Variants in ROBO2 observed in about 807,000 individuals in gnomAD.
The protein encoded by ROBO2 is roundabout guidance receptor 2, also known as roundabout homolog 2.
A neutral mutation model predicts 160.8 loss-of-function variants in ROBO2; 53 were observed. The ratio of observed to expected loss-of-function variants is 0.33; its 90% CI spans 0.26 to 0.41. The LOEUF (loss-of-function observed/expected upper bound fraction) is 0.41, where lower values mean the gene tolerates loss of function less well. Among genes scored for constraint, ROBO2 ranks in the 10% least tolerant of loss-of-function variants. ROBO2 has a pLI of 1.00. For missense variants in ROBO2, 1,577 were observed against 1,722.4 expected, an observed-to-expected ratio of 0.92 and a Z score of 1.49; for synonymous variants, 664 against 611.7, an observed-to-expected ratio of 1.09 and a Z score of -1.26.
At chr3:76,103,635 TG>T (rs942626099) in intron 2 of ROBO2, among the ~76,000 whole-genome samples, 7 of 152,294 alleles carry the variant, frequency 4.6e-5, no homozygotes, top group African/African-American at 1.7e-4. Flanking sequence ...CTGTGGATAC[TG>T]GGAGCTGGGA....
chr3:76,739,512 G>A (rs2093768255), intron 2 of ROBO2, among the ~76,000 whole-genome samples: 1 of 151,550 alleles, frequency 6.6e-6, no homozygotes, highest in Admixed American at 6.6e-5. Flanking sequence ...GATAGCATTA[G>A]GAGATATACC....
chr3:76,648,139 A>G (rs191580146), intron 2 of ROBO2, among the ~76,000 whole-genome samples: 1 of 152,178 alleles, frequency 6.6e-6, no homozygotes, highest in Admixed American at 6.5e-5. Context: ...GCTTATTTCT[A>G]TAACACATAG....
chr3:76,961,353 G>A (rs2079649840), intron 2 of ROBO2, among the ~76,000 whole-genome samples: 1 of 148,344 alleles, frequency 6.7e-6, no homozygotes, highest in Non-Finnish European at 1.5e-5. Flanking sequence ...TATGCACATC[G>A]AAAATTTTCA....
At position 77,541,975 on chromosome 3, in the gene ROBO2, A is replaced by G. The variant is rs1039470151; in HGVS notation, c.935-4363A>G. On this transcript the variant is annotated intron_variant, in intron 6 of 25. Transcript: ENST00000461745. ...TTTTTTTTAATACTTAATGGGAGTC[A>G]TTATAGAAAATCTATTTTATGTATA... Among the ~76,000 whole-genome samples the G allele has an allele frequency of 8.5e-5, 13 of 152,164 alleles. No individual in the cohort carries two copies. In the East Asian group the frequency reaches 2.3e-3, roughly 27 times the overall value.
chr3:76,175,889 A>G (rs2037190), intron 2 of ROBO2, among the ~76,000 whole-genome samples: 56,570 of 151,878 alleles, frequency 0.37, 11,485 homozygotes, highest in Non-Finnish European at 0.45. Context: ...CTCTCATCCT[A>G]TGTAGTTTTT....
At chr3:77,307,594 G>T (rs548488219) in intron 2 of ROBO2, among the ~76,000 whole-genome samples, 2 of 152,120 alleles carry the variant, frequency 1.3e-5, no homozygotes, top group Non-Finnish European at 2.9e-5. Flanking sequence ...GAAAAAGCAG[G>T]GGTGGGGGCA....
chr3:77,214,399 A>T (rs2084634570), intron 2 of ROBO2, among the ~76,000 whole-genome samples: 1 of 152,136 alleles, frequency 6.6e-6, no homozygotes, highest in African/African-American at 2.4e-5. Flanking sequence ...CTAGGATTGC[A>T]ACCCCTGCCT....
chr3:76,417,493 T>C (rs3853005), intron 2 of ROBO2, among the ~76,000 whole-genome samples: 86,079 of 152,094 alleles, frequency 0.57, 24,725 homozygotes, highest in African/African-American at 0.64. Flanking sequence ...TCTTTTATTC[T>C]GGTCCATTAT....
intron 2 of ROBO2, among the ~76,000 whole-genome samples, chr3:76,397,409 C>G (rs1042352703): frequency 1.3e-5 from 2 of 152,054 alleles, no homozygotes; most frequent in East Asian, 1.9e-4. Flanking sequence ...AGGACATAGG[C>G]ATGGGCAAGG....
chr3:76,119,695 A>G (rs544125924), intron 2 of ROBO2, among the ~76,000 whole-genome samples: 2 of 152,210 alleles, frequency 1.3e-5, no homozygotes, highest in Admixed American at 6.5e-5. Context: ...TCATATTATC[A>G]TAGGAAAAAA....
At chr3:76,634,142 C>G (rs1165449062) in intron 2 of ROBO2, among the ~76,000 whole-genome samples, 1 of 152,200 alleles carries the variant, frequency 6.6e-6, no homozygotes, top group Non-Finnish European at 1.5e-5. Flanking sequence ...AGCAAAAAAT[C>G]AAGGTTGAAT....
intron 2 of ROBO2, among the ~76,000 whole-genome samples, chr3:77,458,837 T>G (rs2153569256): frequency 6.6e-6 from 1 of 152,310 alleles, no homozygotes; most frequent in African/African-American, 2.4e-5. Flanking sequence ...TGTTATATCT[T>G]ATTTCATCAC....
intron 2 of ROBO2, among the ~76,000 whole-genome samples, chr3:77,447,037 C>T (rs2080598428): frequency 6.6e-6 from 1 of 152,024 alleles, no homozygotes; most frequent in African/African-American, 2.4e-5. Context: ...GTTTAATTTC[C>T]TGGATAGCCA....
At chr3:76,550,514 C>T (rs2083349572) in intron 2 of ROBO2, among the ~76,000 whole-genome samples, 1 of 152,204 alleles carries the variant, frequency 6.6e-6, no homozygotes, top group Non-Finnish European at 1.5e-5. Context: ...CTCTGCAGGG[C>T]CAGGAGGGCC....
intron 2 of ROBO2, among the ~76,000 whole-genome samples, chr3:77,250,714 T>C (rs867174083): frequency 3.3e-5 from 5 of 152,178 alleles, no homozygotes; most frequent in African/African-American, 1.2e-4. Flanking sequence ...CATCTGGTGT[T>C]GGCCTTCTTG....
exon 7 of ROBO2, chr3:77,546,455 G>A: frequency 1.2e-6 from 2 of 1,613,118 alleles, no homozygotes; most frequent in Non-Finnish European, 1.7e-6. Context: ...CAGAAAGAAG[G>A]CAGCCAGGTG....
chr3:76,082,126 G>A (rs1039588509), intron 2 of ROBO2, among the ~76,000 whole-genome samples: 8 of 152,000 alleles, frequency 5.3e-5, no homozygotes, highest in South Asian at 2.1e-4. Context: ...GTCAATCACC[G>A]CCCTAAAGGT....
At chr3:77,205,423 G>T (rs780021009) in intron 2 of ROBO2, among the ~76,000 whole-genome samples, 1 of 151,874 alleles carries the variant, frequency 6.6e-6, no homozygotes, top group African/African-American at 2.4e-5. Flanking sequence ...CTGCCGTGCC[G>T]TTCTGCTGTT....
At chr3:77,004,329 A>C (rs1362643054) in intron 2 of ROBO2, among the ~76,000 whole-genome samples, 1 of 152,192 alleles carries the variant, frequency 6.6e-6, no homozygotes, top group African/African-American at 2.4e-5. Flanking sequence ...AAGAAGAAAG[A>C]GGTATAAAGA....
Sources: gnomAD v4.1 joint callset for allele counts (sites outside exome capture counted in the v4.1 genomes callset) on GRCh38, gnomAD v4.1.1 for gene constraint, MANE v1.5 for transcripts, NCBI Gene and HGNC (gene_info 2026-07-23, HGNC 2026-07-21) for gene names.